The following FTCDNL1 variants were observed in gnomAD, a reference collection of about 807,000 sequenced individuals.
The protein encoded by FTCDNL1 is formiminotransferase cyclodeaminase N-terminal like.
FTCDNL1 carries 11 observed loss-of-function variants against 5.9 expected under a neutral mutation model. The observed-to-expected ratio is 1.87, with a 90% confidence interval of 1.18 to 3.10. The LOEUF (loss-of-function observed/expected upper bound fraction) is 3.10. Ranked by LOEUF, FTCDNL1 falls within the 30% of genes most tolerant of loss-of-function variation. The probability of loss-of-function intolerance (pLI) is 0.00; values close to 1 mark genes in which losing one functional copy is unlikely to be tolerated. For missense variants in FTCDNL1, 115 were observed against 65.5 expected (o/e 1.76, Z -2.61); for synonymous variants, 58 against 24.8 (o/e 2.34, Z -3.99).
chr2:199,773,334 C>T (rs924965457), intron 3 of FTCDNL1, among the ~76,000 whole-genome samples: 1 of 151,634 alleles, frequency 6.6e-6, no homozygotes, highest in African/African-American at 2.4e-5. Flanking sequence ...TACCAGTCCC[C>T]ATCTACCCCC....
the FTCDNL1 span, among the ~76,000 whole-genome samples, chr2:199,696,684 A>G: frequency 6.6e-6 from 1 of 152,180 alleles, no homozygotes; most frequent in Non-Finnish European, 1.5e-5. Flanking sequence ...GATTAAAAGA[A>G]CATCAGTTTA....
At chr2:199,738,871 C>A in the FTCDNL1 span, among the ~76,000 whole-genome samples, 2 of 152,202 alleles carry the variant, frequency 1.3e-5, no homozygotes, top group Non-Finnish European at 2.9e-5. Context: ...ACCCACTTAA[C>A]TCTTCCAAAG....
chr2:199,700,241 C>T, the FTCDNL1 span, among the ~76,000 whole-genome samples: 1 of 151,976 alleles, frequency 6.6e-6, no homozygotes, highest in Admixed American at 6.6e-5. Flanking sequence ...TCAGTAGCAT[C>T]GCTATATACC....
At chr2:199,785,045 C>T (rs1164349781) in intron 3 of FTCDNL1, among the ~76,000 whole-genome samples, 1 of 152,102 alleles carries the variant, frequency 6.6e-6, no homozygotes, top group African/African-American at 2.4e-5. Context: ...GATTTCCCAA[C>T]TATATAATGA....
chr2:199,816,239 C>G (rs1420137300), intron 4 of FTCDNL1, among the ~76,000 whole-genome samples: 1 of 152,160 alleles, frequency 6.6e-6, no homozygotes, highest in Non-Finnish European at 1.5e-5. Context: ...AAATGATGGA[C>G]AAACAGACTG....
chr2:199,804,107 T>C (rs1700603039), intron 3 of FTCDNL1, among the ~76,000 whole-genome samples: 1 of 152,230 alleles, frequency 6.6e-6, no homozygotes, highest in African/African-American at 2.4e-5. Context: ...TTAATATTAA[T>C]CAGTTACCGA....
At chr2:199,745,389 CT>C in the FTCDNL1 span, among the ~76,000 whole-genome samples, 2 of 152,172 alleles carry the variant, frequency 1.3e-5, no homozygotes, top group Admixed American at 6.5e-5. Flanking sequence ...CCCAAGATGC[CT>C]TTTCCTACTC....
chr2:199,801,448 A>G (rs13402371), intron 3 of FTCDNL1, among the ~76,000 whole-genome samples: 13,785 of 151,726 alleles, frequency 0.091, 1,449 homozygotes, highest in East Asian at 0.26. Flanking sequence ...GGAGTTGGAG[A>G]CCAGCCTGGG....
At chr2:199,777,732 G>T (rs1411333152) in intron 3 of FTCDNL1, among the ~76,000 whole-genome samples, 1 of 152,108 alleles carries the variant, frequency 6.6e-6, no homozygotes, top group Non-Finnish European at 1.5e-5. Context: ...AATGGTTTGA[G>T]AGAGCTTGGG....
chr2:199,680,870 C>T, the FTCDNL1 span, among the ~76,000 whole-genome samples: 1 of 152,176 alleles, frequency 6.6e-6, no homozygotes, highest in Admixed American at 6.5e-5. Flanking sequence ...GCCGCCACCC[C>T]TAATACCTCT....
chr2:199,692,280 GA>G, the FTCDNL1 span, among the ~76,000 whole-genome samples: 1 of 152,158 alleles, frequency 6.6e-6, no homozygotes, highest in Non-Finnish European at 1.5e-5. Context: ...AAGAAAGAGA[GA>G]AATGCAACTG....
At chr2:199,747,361 C>T in the FTCDNL1 span, among the ~76,000 whole-genome samples, 2 of 152,118 alleles carry the variant, frequency 1.3e-5, no homozygotes, top group Non-Finnish European at 2.9e-5. Context: ...GGGGCGCACA[C>T]ATTTTTGCGG....
chr2:199,815,821 G>GA, intron 4 of FTCDNL1, among the ~76,000 whole-genome samples: 1 of 152,124 alleles, frequency 6.6e-6, no homozygotes, highest in Non-Finnish European at 1.5e-5. Context: ...CCAACATGGT[G>GA]AAACCCCGTC....
the FTCDNL1 span, among the ~76,000 whole-genome samples, chr2:199,730,714 A>C: frequency 6.6e-6 from 1 of 152,142 alleles, no homozygotes; most frequent in African/African-American, 2.4e-5. Flanking sequence ...CAAGGATGTG[A>C]AGAAATAGGA....
chr2:199,721,370 G>A, the FTCDNL1 span, among the ~76,000 whole-genome samples: 1 of 152,130 alleles, frequency 6.6e-6, no homozygotes, highest in Non-Finnish European at 1.5e-5. Context: ...AACATGCAGT[G>A]TTCGGTTTTC....
intron 3 of FTCDNL1, among the ~76,000 whole-genome samples, chr2:199,763,208 C>T (rs1172848084): frequency 1.3e-5 from 2 of 152,136 alleles, no homozygotes; most frequent in Non-Finnish European, 2.9e-5. Flanking sequence ...AGGGCTTCAC[C>T]CTTACTAATG....
intron 3 of FTCDNL1, among the ~76,000 whole-genome samples, chr2:199,790,880 A>C (rs1699891274): frequency 6.6e-6 from 1 of 152,298 alleles, no homozygotes; most frequent in African/African-American, 2.4e-5. Flanking sequence ...TTCAAAAGGT[A>C]ATTTCAATTT....
At chr2:199,758,148 G>C (rs1044761384), downstream of FTCDNL1, among the ~76,000 whole-genome samples, 1 of 152,094 alleles carries the variant, frequency 6.6e-6, no homozygotes, top group East Asian at 1.9e-4. Context: ...TCCTCAGAGG[G>C]ACCAGTACCA....
At chr2:199,832,392 T>C (rs1447916789) in intron 3 of FTCDNL1, among the ~76,000 whole-genome samples, 2 of 152,138 alleles carry the variant, frequency 1.3e-5, no homozygotes, top group Non-Finnish European at 2.9e-5. Context: ...CACAATAGCA[T>C]TTACTATAGG....
Sources: gnomAD v4.1 joint callset for allele counts (sites outside exome capture counted in the v4.1 genomes callset) on GRCh38, gnomAD v4.1.1 for gene constraint, MANE v1.5 for transcripts, NCBI Gene and HGNC (gene_info 2026-07-23, HGNC 2026-07-21) for gene names.